Variants in CHODL observed in about 807,000 individuals in gnomAD.
CHODL encodes the protein transmembrane protein MT75.
In CHODL, 29 loss-of-function variants were observed where a neutral mutation model predicts 34.5. That is an observed-to-expected ratio of 0.84 (90% CI 0.63 to 1.15). The LOEUF is 1.15. Ranked by LOEUF, CHODL falls within the 50% of genes most tolerant of loss-of-function variation. CHODL has a pLI of 0.00. For synonymous variants in CHODL, 125 were observed against 116.1 expected (o/e 1.08, Z -0.49); for missense variants, 332 against 332.5 (o/e 1.00, Z 0.01).
intron 2 of CHODL, among the ~76,000 whole-genome samples, chr21:18,211,337 A>G (rs2146723295): frequency 6.6e-6 from 1 of 152,284 alleles, no homozygotes; most frequent in Admixed American, 6.5e-5. Context: ...TCAGATCTGT[A>G]CCTGTATTTA....
In CHODL at chr21:18,245,286, C is replaced by T. The variant is rs2074125495; in HGVS notation, c.63C>T (p.Cys21=). 2 of 1,524,730 alleles carry T rather than the reference C, an allele frequency of 1.3e-6. No individual in the cohort carries two copies. The highest frequency in any genetic ancestry group is 1.8e-6 in the Non-Finnish European group (2 of 1,142,358). The allele number at this position is 1,524,730 out of a possible 1,614,324, so 94.5% of individuals were successfully genotyped here. ...AALLCGHGAF[C]RRVVSGQKVC... is the part of the protein sequence containing the mutation. ...TGCTCTGCGGCCACGGAGCCTTCTG[C>T]CGCCGCGTGGTCAGCGGTGAGTCAG... Residue 21 remains cysteine (C), a synonymous_variant, in exon 1 of 6, where the codon TGC becomes TGT. Coordinates refer to ENST00000299295, the MANE Select transcript of CHODL (RefSeq NM_024944.3).
chr21:17,977,549 AG>A (rs2063673939), intron 1 of CHODL, among the ~76,000 whole-genome samples: 1 of 150,194 alleles, frequency 6.7e-6, no homozygotes. Context: ...TTTAGTAGAG[AG>A]GGGATTTCAC....
At chr21:18,020,399 C>A (rs2064117193) in intron 1 of CHODL, among the ~76,000 whole-genome samples, 1 of 152,106 alleles carries the variant, frequency 6.6e-6, no homozygotes, top group Admixed American at 6.6e-5. Context: ...GTTTTGAAGT[C>A]ATTTCAAATT....
chr21:18,171,736 GTTT>G (rs71189587), intron 2 of CHODL, among the ~76,000 whole-genome samples: 139 of 146,550 alleles, frequency 9.5e-4, no homozygotes, highest in Non-Finnish European at 1.4e-3. Flanking sequence ...ATTCTCTTCA[GTTT>G]TTTTTTTTTT....
chr21:17,982,761 G>A (rs906194539), intron 1 of CHODL, among the ~76,000 whole-genome samples: 1 of 129,608 alleles, frequency 7.7e-6, no homozygotes, highest in African/African-American at 3.0e-5. Context: ...AGGCTGGAGT[G>A]CAGTGGCAGG....
At chr21:18,229,291 C>A (rs1309596145) in intron 2 of CHODL, among the ~76,000 whole-genome samples, 2 of 152,106 alleles carry the variant, frequency 1.3e-5, no homozygotes, top group African/African-American at 4.8e-5. Context: ...GAATAGCAAA[C>A]AACCCACAAT....
At chr21:18,009,556 C>A (rs2063991918) in intron 1 of CHODL, among the ~76,000 whole-genome samples, 2 of 152,064 alleles carry the variant, frequency 1.3e-5, no homozygotes, top group South Asian at 4.2e-4. Context: ...TAAGACTCCA[C>A]ATTTTCTCTT....
At position 18,028,302 on chromosome 21, in the gene CHODL, C is replaced by CCTTG. The variant is rs1568851136; in HGVS notation, c.-45+334_-45+335insGCTT. Among the ~76,000 whole-genome samples, 80 of 136,652 alleles carry CCTTG rather than the reference C, an allele frequency of 5.9e-4. 2 individuals carry two copies. The highest frequency in any genetic ancestry group is 2.2e-3 in the African/African-American group (76 of 35,066). The allele number at this position is 136,652 out of a possible 152,430, so 89.6% of individuals were successfully genotyped here. On this transcript the variant is annotated intron_variant, in intron 2 of 6. Transcript: ENST00000400127. ...CCCTTCCTTCCTTCCTTCCTTCCTTCCTTCCTTCCTTCCTTCCTTCCTTCC... is the reference window on the plus strand; with the variant it reads ...CCCTTCCTTCCTTCCTTCCTTCCTTCCTTGCTTCCTTCCTTCCTTCCTTCCTTCC...
chr21:17,970,659 C>A (rs188106241), intron 1 of CHODL, among the ~76,000 whole-genome samples: 2 of 151,810 alleles, frequency 1.3e-5, no homozygotes, highest in East Asian at 3.9e-4. Context: ...TGAATAAGTC[C>A]TTTAGTGGTG....
intron 1 of CHODL, among the ~76,000 whole-genome samples, chr21:18,008,575 A>AT (rs1279022524): frequency 6.6e-6 from 1 of 151,792 alleles, no homozygotes; most frequent in Non-Finnish European, 1.5e-5. Context: ...TGTTTTAGAG[A>AT]TCTCATGTAA....
At chr21:18,145,381 G>C (rs2072865918) in intron 2 of CHODL, among the ~76,000 whole-genome samples, 1 of 139,396 alleles carries the variant, frequency 7.2e-6, no homozygotes, top group Non-Finnish European at 1.5e-5. Flanking sequence ...AGCTGGCAGT[G>C]AGCCAAGATC....
chr21:18,191,831 A>G (rs1027192273), intron 2 of CHODL, among the ~76,000 whole-genome samples: 8 of 152,158 alleles, frequency 5.3e-5, no homozygotes, highest in African/African-American at 1.7e-4. Flanking sequence ...GTTGTTTTTC[A>G]AAAGGTATGA....
chr21:18,091,502 T>C (rs2065073029), intron 2 of CHODL, among the ~76,000 whole-genome samples: 1 of 152,134 alleles, frequency 6.6e-6, no homozygotes, highest in South Asian at 2.1e-4. Context: ...GAGGACTTTG[T>C]CTTGTCTCTT....
At chr21:17,946,276 A>G (rs535319451) in intron 1 of CHODL, among the ~76,000 whole-genome samples, 4 of 152,206 alleles carry the variant, frequency 2.6e-5, no homozygotes, top group South Asian at 4.2e-4. Context: ...AAAATTAGCC[A>G]GGTGTGGTGG....
chr21:17,999,445 A>G (rs1471184449), intron 1 of CHODL, among the ~76,000 whole-genome samples: 1 of 152,108 alleles, frequency 6.6e-6, no homozygotes, highest in Non-Finnish European at 1.5e-5. Flanking sequence ...ACCCCACTTT[A>G]CTGTTACCAA....
At chr21:17,972,356 C>G (rs2063622066) in intron 1 of CHODL, among the ~76,000 whole-genome samples, 1 of 152,204 alleles carries the variant, frequency 6.6e-6, no homozygotes, top group South Asian at 2.1e-4. Flanking sequence ...CAAATTGTCT[C>G]TCTTTGCAGA....
chr21:18,203,991 T>G (rs538044859), intron 2 of CHODL, among the ~76,000 whole-genome samples: 19 of 152,192 alleles, frequency 1.2e-4, no homozygotes, highest in Non-Finnish European at 2.2e-4. Flanking sequence ...ATTTCTGTTC[T>G]TTATATGCTA....
chr21:18,055,856 G>A (rs1338493977), intron 2 of CHODL, among the ~76,000 whole-genome samples: 3 of 151,988 alleles, frequency 2.0e-5, no homozygotes, highest in South Asian at 4.1e-4. Context: ...AAAGATTCTT[G>A]GTCATCGTTA....
chr21:18,264,661 G>T (rs11911907), intron 5 of CHODL, among the ~76,000 whole-genome samples: 6,728 of 151,098 alleles, frequency 0.045, 506 homozygotes, highest in African/African-American at 0.15. Context: ...CAGGAACAGG[G>T]AACTTCTGCA....
Sources: gnomAD v4.1 joint callset for allele counts (sites outside exome capture counted in the v4.1 genomes callset) on GRCh38, gnomAD v4.1.1 for gene constraint, MANE v1.5 for transcripts, NCBI Gene and HGNC (gene_info 2026-07-23, HGNC 2026-07-21) for gene names.